CTNND2: variants seen among roughly 807,000 people sequenced by gnomAD.
CTNND2 encodes the protein catenin delta-2.
CTNND2 carries 22 observed loss-of-function variants against 144.4 expected under a neutral mutation model. That is an observed-to-expected ratio of 0.15 (90% CI 0.11 to 0.22). The LOEUF is 0.22. Ranked by LOEUF, CTNND2 falls within the 10% of genes least tolerant of loss-of-function variation. CTNND2 has a pLI of 1.00. For missense variants in CTNND2, 1,353 were observed against 1,618.8 expected (o/e 0.84, Z 2.82); for synonymous variants, 751 against 695.6 (o/e 1.08, Z -1.25).
At chr5:11,580,695 A>G (rs1476352331) in intron 2 of CTNND2, among the ~76,000 whole-genome samples, 3 of 152,218 alleles carry the variant, frequency 2.0e-5, no homozygotes, top group East Asian at 3.8e-4. Context: ...TCAAACCCCA[A>G]TGCATACCAT....
Position 11,280,588 on chromosome 5 carries a change from T to C in CTNND2, c.1629-43765A>G, listed in dbSNP as rs549858270. Among the ~76,000 whole-genome samples the C allele has an allele frequency of 7.9e-5, 12 of 152,332 alleles. 1 individual carries two copies. In the East Asian group the frequency reaches 2.1e-3, roughly 27 times the overall value. ...CCACCTTTGTGACTTCATTTAATCT[T>C]AATCGCCTCTTCAAAGGACCTACCT... is the stretch of plus-strand genomic sequence containing the variant. On this transcript the variant is annotated intron_variant, in intron 9 of 21. Coordinates refer to ENST00000304623, the MANE Select transcript of CTNND2 (RefSeq NM_001332.4).
intron 2 of CTNND2, among the ~76,000 whole-genome samples, chr5:11,618,804 T>C (rs1780698961): frequency 6.6e-6 from 1 of 152,206 alleles, no homozygotes; most frequent in African/African-American, 2.4e-5. Context: ...TTTACATATA[T>C]TGAGTATCAT....
At chr5:11,435,263 C>T (rs530340710) in intron 3 of CTNND2, among the ~76,000 whole-genome samples, 6 of 151,980 alleles carry the variant, frequency 3.9e-5, no homozygotes, top group Non-Finnish European at 5.9e-5. Context: ...CTCAGCCTCC[C>T]GAGTAGCTGG....
At chr5:11,855,823 T>C (rs1795225112) in intron 1 of CTNND2, among the ~76,000 whole-genome samples, 1 of 152,158 alleles carries the variant, frequency 6.6e-6, no homozygotes, top group Non-Finnish European at 1.5e-5. Context: ...CCTAGAATTT[T>C]AACAAGCTTT....
At chr5:11,551,726 G>A (rs1399587029) in intron 3 of CTNND2, among the ~76,000 whole-genome samples, 3 of 152,048 alleles carry the variant, frequency 2.0e-5, no homozygotes, top group African/African-American at 4.8e-5. Context: ...AGCCTCCCCA[G>A]TAGCTGGGAT....
At chr5:11,407,719 C>A (rs1761204709) in intron 5 of CTNND2, among the ~76,000 whole-genome samples, 1 of 150,776 alleles carries the variant, frequency 6.6e-6, no homozygotes, top group African/African-American at 2.4e-5. Flanking sequence ...TCCAATTTAG[C>A]ATTAGCTGGT....
rs1403719892 is a variant in CTNND2, at chr5:11,129,094, A to ATATTATATATTTATATAT, written c.2160-11528_2160-11527insATATATAAATATATAATA. ...TATATAAATAAAATATATATATTAT[A>ATATTATATATTTATATAT]TATAAATAAAATATATATATTATAT... On this transcript the variant is annotated intron_variant, in intron 12 of 21. Coordinates refer to ENST00000304623, the MANE Select transcript of CTNND2 (RefSeq NM_001332.4). 5.4e-5 allele frequency among the ~76,000 whole-genome samples: 2 copies of ATATTATATATTTATATAT among 37,108 alleles called. 1 individual carries two copies. Among genetic ancestry groups the ATATTATATATTTATATAT allele is most frequent in the Non-Finnish European group, 1.1e-4 (2 of 19,004 alleles). 24.3% of individuals were successfully genotyped at this position (37,108 alleles called of 152,430 possible).
chr5:11,585,416 G>T (rs1259269673), intron 2 of CTNND2, among the ~76,000 whole-genome samples: 1 of 151,818 alleles, frequency 6.6e-6, no homozygotes, highest in African/African-American at 2.4e-5. Context: ...AGAAAAAAAT[G>T]TATTTTTTCT....
At chr5:11,238,259 T>C (rs536723281) in intron 9 of CTNND2, among the ~76,000 whole-genome samples, 4 of 151,400 alleles carry the variant, frequency 2.6e-5, no homozygotes, top group Admixed American at 2.6e-4. Flanking sequence ...AGACCACAGG[T>C]AAAAACTTGA....
At chr5:11,565,178 T>C (rs989662411) in intron 2 of CTNND2, 122 bp from the exon 3 acceptor site, 3 of 712,382 alleles carry the variant, frequency 4.2e-6, no homozygotes, top group African/African-American at 1.8e-5. Context: ...ATTTGAGAAA[T>C]GTGCAATAAA....
chr5:10,992,696 T>G lies in CTNND2; in HGVS notation c.3085-19A>C. 1 of 1,612,288 alleles carries G rather than the reference T, an allele frequency of 6.2e-7. No individual in the cohort carries two copies. The highest frequency in any genetic ancestry group is 8.5e-7 in the Non-Finnish European group (1 of 1,179,300). Reference sequence around the variant, plus strand: ...ATCCATCCTGCAAAACACAGCACGCTCCTGTTAGATGGGCAAGACAGAGTG... The same window carrying G: ...ATCCATCCTGCAAAACACAGCACGCGCCTGTTAGATGGGCAAGACAGAGTG... On this transcript the variant is annotated intron_variant, in intron 18 of 21. Coordinates refer to ENST00000304623, the MANE Select transcript of CTNND2 (RefSeq NM_001332.4).
intron 3 of CTNND2, among the ~76,000 whole-genome samples, chr5:11,471,380 T>C (rs1350731362): frequency 6.6e-6 from 1 of 152,230 alleles, no homozygotes; most frequent in African/African-American, 2.4e-5. Context: ...TAAACACATT[T>C]GAATGCTTTT....
intron 5 of CTNND2, among the ~76,000 whole-genome samples, chr5:11,409,591 T>C (rs1761354926): frequency 6.6e-6 from 1 of 152,078 alleles, no homozygotes; most frequent in African/African-American, 2.4e-5. Flanking sequence ...TGCACACATG[T>C]TCATTAGATT....
intron 7 of CTNND2, among the ~76,000 whole-genome samples, chr5:11,378,296 T>C (rs1428516392): frequency 6.6e-6 from 1 of 152,154 alleles, no homozygotes; most frequent in Non-Finnish European, 1.5e-5. Context: ...AATGGGTTCC[T>C]AATGCTTATG....
chr5:11,244,280 A>ATTTTTTTTTTTTTTTT, intron 9 of CTNND2, among the ~76,000 whole-genome samples: 1 of 104,102 alleles, frequency 9.6e-6, no homozygotes, highest in Non-Finnish European at 1.9e-5. Flanking sequence ...GTCCTATACA[A>ATTTTTTTTTTTTTTTT]TTTTTTTTTT....
intron 2 of CTNND2, among the ~76,000 whole-genome samples, chr5:11,606,529 T>C (rs1242188213): frequency 6.6e-6 from 1 of 151,876 alleles, no homozygotes; most frequent in East Asian, 1.9e-4. Flanking sequence ...TGGAAGAACA[T>C]TTGGGGAGAA....
At chr5:11,620,506 T>A (rs1780777857) in intron 2 of CTNND2, among the ~76,000 whole-genome samples, 1 of 152,160 alleles carries the variant, frequency 6.6e-6, no homozygotes, top group Admixed American at 6.5e-5. Context: ...GAAAGCCAAA[T>A]AAAGGCGCTT....
chr5:11,094,628 C>T (rs2973512), intron 15 of CTNND2, among the ~76,000 whole-genome samples: 52,807 of 151,708 alleles, frequency 0.35, 9,635 homozygotes, highest in East Asian at 0.6. Flanking sequence ...TACAGGCACA[C>T]GCCACCATGC....
intron 9 of CTNND2, among the ~76,000 whole-genome samples, chr5:11,240,386 TCA>T (rs1211603571): frequency 2.1e-5 from 2 of 93,808 alleles, no homozygotes; most frequent in Non-Finnish European, 4.1e-5. Context: ...ACACATACAC[TCA>T]CACACCCAAC....
Sources: allele counts gnomAD v4.1 joint callset (sites outside exome capture counted in the v4.1 genomes callset), GRCh38; gene constraint gnomAD v4.1.1; transcripts MANE v1.5; gene names NCBI Gene and HGNC (gene_info 2026-07-23, HGNC 2026-07-21).